Variants in SLC6A2 observed in about 807,000 individuals in gnomAD.
SLC6A2 encodes the protein sodium-dependent noradrenaline transporter.
In SLC6A2, 26 loss-of-function variants were observed where a neutral mutation model predicts 71.7. The ratio of observed to expected loss-of-function variants is 0.36; its 90% confidence interval spans 0.27 to 0.50. The LOEUF is 0.50. SLC6A2 is among the 20% of genes least tolerant of loss of function. The pLI is 0.96. For synonymous variants in SLC6A2, 363 were observed against 337.9 expected, an observed-to-expected ratio of 1.07 and a Z score of -0.82; for missense variants, 581 against 803.9, an observed-to-expected ratio of 0.72 and a Z score of 3.35.
At chr16:55,685,333 G>T (rs775518285) in intron 5 of SLC6A2, 52 bp downstream of exon 5, 8 of 1,573,372 alleles carry the variant, frequency 5.1e-6, no homozygotes, top group African/African-American at 4.0e-5. Context: ...ACCTTGGGGG[G>T]TGTGATTATT....
intron 9 of SLC6A2, among the ~76,000 whole-genome samples, chr16:55,697,404 C>CT (rs1229484631): frequency 6.6e-6 from 1 of 152,162 alleles, no homozygotes; most frequent in Non-Finnish European, 1.5e-5. Flanking sequence ...CTTTCAGACT[C>CT]TAAGAGTCTG....
intron 12 of SLC6A2, 145 bp from the exon 13 acceptor site, chr16:55,699,994 C>A: frequency 1.4e-6 from 1 of 739,068 alleles, no homozygotes; most frequent in Non-Finnish European, 2.4e-6. Context: ...TTTCTCTTTT[C>A]CACTCCTTCC....
At chr16:55,673,576 T>C (rs1964991117) in intron 4 of SLC6A2, among the ~76,000 whole-genome samples, 1 of 152,174 alleles carries the variant, frequency 6.6e-6, no homozygotes, top group Non-Finnish European at 1.5e-5. Context: ...TTTTTTTGTT[T>C]TTTGAGACAG....
At chr16:55,699,469 C>T (rs1217904494) in intron 11 of SLC6A2, 85 bp from the exon 12 acceptor site, 1 of 1,055,472 alleles carries the variant, frequency 9.5e-7, no homozygotes, top group Non-Finnish European at 1.5e-6. Context: ...GCCCTGCTCT[C>T]CACCTGGGGC....
At chr16:55,675,922 C>T (rs960394115) in intron 4 of SLC6A2, among the ~76,000 whole-genome samples, 4 of 152,128 alleles carry the variant, frequency 2.6e-5, no homozygotes, top group African/African-American at 9.7e-5. Context: ...TCCCTGCCAT[C>T]TTGGTGCAGC....
rs1964454775 is a variant in SLC6A2 at position 55,656,577 on chromosome 16, T to A, written c.-51-67T>A. 7.8e-7 allele frequency: 1 copy of A among 1,278,900 alleles called. No individual in the cohort carries two copies. The highest frequency in any genetic ancestry group is 1.7e-5 in the Admixed American group (1 of 59,306). The allele number at this position is 1,278,900 out of a possible 1,614,324, so 79.2% of individuals were successfully genotyped here. A position where few individuals can be genotyped will look rare whatever the true frequency, so the allele number is the denominator to read the frequency against. ...TCCCAGTGTCTAAGGCGCTCCCGGG[T>A]GGTCTTGGGAGTTGCAAGTAGGGAG... On this transcript the variant is annotated intron_variant, in intron 1 of 14. Transcript: ENST00000568943. This position sits in a 1 kb window ranked among gnomAD's most constrained non-coding sequence, Gnocchi z 4.5.
At chr16:55,658,621 G>C (rs1964525238) in intron 2 of SLC6A2, among the ~76,000 whole-genome samples, 1 of 152,290 alleles carries the variant, frequency 6.6e-6, no homozygotes, top group East Asian at 1.9e-4. Context: ...GTTAACCCAA[G>C]GTTGGAGCTG....
intron 6 of SLC6A2, among the ~76,000 whole-genome samples, chr16:55,693,587 C>T (rs1174018468): frequency 2.0e-5 from 3 of 152,226 alleles, no homozygotes; most frequent in Non-Finnish European, 2.9e-5. Flanking sequence ...CAAGGAGTCA[C>T]CATTGTCTAT....
chr16:55,697,410 G>A (rs1965832738), intron 9 of SLC6A2, among the ~76,000 whole-genome samples: 1 of 152,204 alleles, frequency 6.6e-6, no homozygotes, highest in Non-Finnish European at 1.5e-5. Context: ...GACTCTAAGA[G>A]TCTGGAGTTT....
chr16:55,696,322 G>A lies in SLC6A2; in HGVS notation c.1245G>A (p.Leu415=). The change falls in exon 9 of 15, where the codon CTG becomes CTA. Residue 415 remains leucine, a synonymous_variant. Transcript: ENST00000568943. ...AVVFFVMLLA[L]GLDSSMGGME... ...TGTTTTTCGTCATGCTCCTGGCGCT[G>A]GGCCTTGACAGCTCAGTGAGTGACC... is the stretch of plus-strand genomic sequence containing the variant. 1 of 1,608,768 alleles carries A rather than the reference G, an allele frequency of 6.2e-7. No individual in the cohort carries two copies. Among genetic ancestry groups the A allele is most frequent in the South Asian group, 1.1e-5 (1 of 90,956 alleles).
At chr16:55,681,372 G>A (rs542813534) in intron 4 of SLC6A2, among the ~76,000 whole-genome samples, 6 of 152,258 alleles carry the variant, frequency 3.9e-5, no homozygotes, top group Admixed American at 6.5e-5. Context: ...ACCAGCCCCC[G>A]GCACACTGCC....
At chr16:55,677,352 G>A (rs1359918178) in intron 4 of SLC6A2, among the ~76,000 whole-genome samples, 1 of 152,108 alleles carries the variant, frequency 6.6e-6, no homozygotes, top group African/African-American at 2.4e-5. Flanking sequence ...AAAGGAAAAA[G>A]CATGATTTTT....
At position 55,698,538 on chromosome 16, in the gene SLC6A2, A is replaced by C. The variant is rs768583766; in HGVS notation, c.1459A>C (p.Met487Leu). 1.1e-5 allele frequency: 18 copies of C among 1,613,846 alleles called. No individual in the cohort carries two copies. Among genetic ancestry groups the C allele is most frequent in the Non-Finnish European group, 1.5e-5 (18 of 1,179,836 alleles). ...CACCTCCATCCTTTTTGCTGTCCTC[A>C]TGGAAGCCATCGGAGTTTCCTGGTT... ...AGTSILFAVL[M>L]EAIGVSWFYG... Residue 487 changes from methionine to leucine, a missense_variant, in exon 11 of 15, where the codon ATG (methionine) becomes CTG (leucine). This residue lies in a region of SLC6A2 where 334 missense variants were observed against 449.0 expected (regional missense o/e 0.74). Transcript: ENST00000568943.
intron 14 of SLC6A2, 100 bp downstream of exon 14, chr16:55,702,034 C>T: frequency 4.1e-6 from 4 of 970,622 alleles, no homozygotes. Flanking sequence ...TCCAGAAAAC[C>T]CAGAAACCCA....
At position 55,700,891 on chromosome 16, in the gene SLC6A2, A is replaced by T. The variant is rs550626594; in HGVS notation, c.1758+585A>T. On this transcript the variant is annotated intron_variant, in intron 13 of 14. Coordinates refer to ENST00000568943, the MANE Select transcript of SLC6A2 (RefSeq NM_001172501.3). ...TATATATACACACACACACACATTT[A>T]TATAAATATTTAGGAAACTGCCCTT... 1.1e-3 allele frequency among the ~76,000 whole-genome samples: 167 copies of T among 152,314 alleles called. 1 individual carries two copies. The highest frequency in any genetic ancestry group is 3.7e-3 in the African/African-American group (154 of 41,572).
At chr16:55,659,206 G>A (rs370979093) in intron 2 of SLC6A2, among the ~76,000 whole-genome samples, 3 of 152,064 alleles carry the variant, frequency 2.0e-5, no homozygotes, top group Admixed American at 6.5e-5. Flanking sequence ...TTAATCACCC[G>A]AGTCTTTATT....
intron 4 of SLC6A2, among the ~76,000 whole-genome samples, chr16:55,678,471 T>C (rs1296945288): frequency 6.6e-6 from 1 of 152,182 alleles, no homozygotes; most frequent in African/African-American, 2.4e-5. Flanking sequence ...CCAATTTTGT[T>C]ACCATCCTGT....
chr16:55,673,545 C>A (rs976766418), intron 4 of SLC6A2, among the ~76,000 whole-genome samples: 4 of 151,858 alleles, frequency 2.6e-5, no homozygotes, highest in Admixed American at 2.6e-4. Context: ...CTATTTCCAT[C>A]ATTTCTTCTA....
At position 55,693,994 on chromosome 16, in the gene SLC6A2, T is replaced by A; in HGVS notation, c.919-16T>A. On this transcript the variant is annotated splice_polypyrimidine_tract_variant and intron_variant, in intron 6 of 14. Transcript: ENST00000568943. ...GTAGGAAGCAGAGGCTGATGGCTTTTGTCTGCTGGTTTCAGGTATGGATTG... is the reference window on the plus strand; with the variant it reads ...GTAGGAAGCAGAGGCTGATGGCTTTAGTCTGCTGGTTTCAGGTATGGATTG... 6.4e-7 allele frequency: 1 copy of A among 1,565,738 alleles called. No homozygotes were observed. Among genetic ancestry groups the A allele is most frequent in the Non-Finnish European group, 8.8e-7 (1 of 1,135,828 alleles).
Sources: allele counts gnomAD v4.1 joint callset (sites outside exome capture counted in the v4.1 genomes callset), GRCh38; gene constraint gnomAD v4.1.1; regional missense constraint gnomAD v4.1.1; non-coding constraint Gnocchi (gnomAD v3.1); transcripts MANE v1.5; gene names NCBI Gene and HGNC (gene_info 2026-07-23, HGNC 2026-07-21).